PHC2: variants seen among roughly 807,000 people sequenced by gnomAD.
The protein encoded by PHC2 is polyhomeotic-like protein 2.
A neutral mutation model predicts 87.4 loss-of-function variants in PHC2; 29 were observed. The observed-to-expected ratio is 0.33, with a 90% CI of 0.25 to 0.45. The LOEUF (loss-of-function observed/expected upper bound fraction) is 0.45. Among genes scored for constraint, PHC2 ranks in the 20% least tolerant of loss-of-function variants. The probability of loss-of-function intolerance (pLI) is 1.00; values close to 1 mark genes in which losing one functional copy is unlikely to be tolerated. For missense variants in PHC2, 857 were observed against 1,136.7 expected, an observed-to-expected ratio of 0.75 and a Z score of 3.54; for synonymous variants, 438 against 461.7, an observed-to-expected ratio of 0.95 and a Z score of 0.66.
In PHC2 at chr1:33,331,610, G is replaced by A; in HGVS notation, c.1892-148C>T. ...ACAGCAGCATTCTAGCATGGAAAAT[G>A]CCAGTGGTTCTCACCCCTGGAATGC... On this transcript the variant is annotated intron_variant, in intron 11 of 14. Transcript: ENST00000683057. This position sits in a 1 kb window ranked among gnomAD's most constrained non-coding sequence, Gnocchi z 5.2. 1 of 587,792 alleles carries A rather than the reference G, an allele frequency of 1.7e-6. No individual in the cohort carries two copies. The highest frequency in any genetic ancestry group is 2.2e-5 in the South Asian group (1 of 45,392). The allele number at this position is 587,792 out of a possible 1,614,324, so 36.4% of individuals were successfully genotyped here.
Position 33,374,391 on chromosome 1 carries a change from G to C in PHC2, c.174+975C>G, listed in dbSNP as rs538945167. Among the ~76,000 whole-genome samples, 19 of 152,332 alleles carry C rather than the reference G, an allele frequency of 1.2e-4. No homozygotes were observed. The East Asian group carries it at 3.3e-3, about 26-fold the overall frequency. On this transcript the variant is annotated intron_variant, in intron 2 of 14. Transcript: ENST00000683057. ...AGGTTCTCATGCATGATGGGCCAGGGCCAGGTGCTGGGGCTAGGGACAAGG... is the reference window on the plus strand; with the variant it reads ...AGGTTCTCATGCATGATGGGCCAGGCCCAGGTGCTGGGGCTAGGGACAAGG...
chr1:33,382,408 T>G lies in PHC2; in HGVS notation c.-54-6815A>C, dbSNP rs1176111068. Among the ~76,000 whole-genome samples the G allele has an allele frequency of 6.6e-6, 1 of 152,126 alleles. No homozygotes were observed. The highest frequency in any genetic ancestry group is 1.9e-4 in the East Asian group (1 of 5,192). ...CTTTCAGTATTCTACCCACCCCTTT[T>G]CAATTTCCTTTTAATTCCTACTCTT... On this transcript the variant is annotated intron_variant, in intron 1 of 14. Transcript: ENST00000683057. The surrounding 1 kb of genome is among the most constrained non-coding windows in gnomAD (Gnocchi z 4.3).
intron 7 of PHC2, 48 bp downstream of exon 7, chr1:33,367,068 C>A (rs367665805): frequency 1.3e-6 from 2 of 1,491,760 alleles, no homozygotes; most frequent in East Asian, 4.6e-5. Flanking sequence ...TCCTGACTCA[C>A]GGCCCTGAGT....
At position 33,330,000 on chromosome 1, in the gene PHC2, G is replaced by GT. The variant is rs1646455595; in HGVS notation, c.2148+70dup. ...AAGTCGGCAGCTGGAGGGGACCGTG[G>GT]TGTCGAGGGCCATGGAAGGGAAGCT... On this transcript the variant is annotated intron_variant, in intron 13 of 14. Transcript: ENST00000683057. The GT allele has an allele frequency of 1.9e-6, 3 of 1,543,622 alleles. No homozygotes were observed. The African/African-American group carries it at 4.1e-5, about 21-fold the overall frequency.
chr1:33,349,907 C>T lies in PHC2; in HGVS notation c.1558+4494G>A, dbSNP rs1174473962. The T allele has an allele frequency of 9.3e-6, 9 of 971,680 alleles. No homozygotes were observed. In the Admixed American group the frequency reaches 3.2e-4, roughly 34 times the overall value. 60.2% of individuals were successfully genotyped at this position (971,680 alleles called of 1,614,324 possible). Reference sequence around the variant, plus strand: ...CCGCCGCGGAGACAATGCGGCGAGTCTGGGACGGCTCCCGCGGCCGCCTCC... The same window carrying T: ...CCGCCGCGGAGACAATGCGGCGAGTTTGGGACGGCTCCCGCGGCCGCCTCC... On this transcript the variant is annotated intron_variant, in intron 9 of 14. Coordinates refer to ENST00000683057, the MANE Select transcript of PHC2 (RefSeq NM_001385109.1). This position sits in a 1 kb window ranked among gnomAD's most constrained non-coding sequence, Gnocchi z 4.2.
Position 33,382,136 on chromosome 1 carries a change from TAGTA to T in PHC2, c.-54-6547_-54-6544del, listed in dbSNP as rs888331152. Among the ~76,000 whole-genome samples, 4 of 152,136 alleles carry T rather than the reference TAGTA, an allele frequency of 2.6e-5. No individual in the cohort carries two copies. Among genetic ancestry groups the T allele is most frequent in the Admixed American group, 6.5e-5 (1 of 15,276 alleles). ...AACTTGAGTTGGAAGAAAACATAAT[TAGTA>T]AGTGTGGACCCATATAACAGCTTTA... On this transcript the variant is annotated intron_variant, in intron 1 of 14. Transcript: ENST00000683057. This position sits in a 1 kb window ranked among gnomAD's most constrained non-coding sequence, Gnocchi z 4.3.
At chr1:33,355,483 G>GCTGT (rs1293550200) in intron 7 of PHC2, among the ~76,000 whole-genome samples, 3 of 152,168 alleles carry the variant, frequency 2.0e-5, no homozygotes, top group African/African-American at 7.2e-5. Flanking sequence ...GGCTCTTTGA[G>GCTGT]CTGTCCCCCA....
intron 7 of PHC2, among the ~76,000 whole-genome samples, chr1:33,358,238 C>T (rs1353947204): frequency 2.0e-5 from 3 of 152,152 alleles, no homozygotes; most frequent in African/African-American, 4.8e-5. Flanking sequence ...TCCCAAAAGA[C>T]TGGGAAAGGG....
At position 33,368,427 on chromosome 1, in the gene PHC2, G is replaced by T; in HGVS notation, c.663+109C>A. ...GGGGCATTGGGGTGTCCTGTCTCCC[G>T]CCTGCTTTCCTAGCTGATCCCGGCC... is the stretch of plus-strand genomic sequence containing the variant. On this transcript the variant is annotated intron_variant, in intron 6 of 14. Transcript: ENST00000683057. This position sits in a 1 kb window ranked among gnomAD's most constrained non-coding sequence, Gnocchi z 6.6. The T allele has an allele frequency of 3.1e-6, 2 of 640,572 alleles. No homozygotes were observed. Among genetic ancestry groups the T allele is most frequent in the South Asian group, 1.9e-5 (1 of 52,686 alleles). The allele number at this position is 640,572 out of a possible 1,614,324, so 39.7% of individuals were successfully genotyped here. A position where few individuals can be genotyped will look rare whatever the true frequency, so the allele number is the denominator to read the frequency against.
At position 33,331,375 on chromosome 1, in the gene PHC2, C is replaced by T. The variant is rs780986416; in HGVS notation, c.1979G>A (p.Arg660His). 1.2e-6 allele frequency: 2 copies of T among 1,610,670 alleles called. No individual in the cohort carries two copies. The highest frequency in any genetic ancestry group is 8.5e-7 in the Non-Finnish European group (1 of 1,177,106). ...CTTTGCACAAGCCATGGAACAGAAGCGCTTGGAACGCTTGAACTTATAGGC... is the reference window on the plus strand; with the variant it reads ...CTTTGCACAAGCCATGGAACAGAAGTGCTTGGAACGCTTGAACTTATAGGC... The part of the protein sequence containing the change: ...DFAYKFKRSK[R>H]FCSMACAKRY... Residue 660 changes from arginine to histidine, a missense_variant, in exon 12 of 15, where the codon CGC becomes CAC. Arg to His is a conservative substitution (Grantham distance 29, BLOSUM62 0). Coordinates refer to ENST00000683057, the MANE Select transcript of PHC2 (RefSeq NM_001385109.1). The surrounding 1 kb of genome is among the most constrained non-coding windows in gnomAD (Gnocchi z 5.2).
chr1:33,370,417 T>A lies in PHC2; in HGVS notation c.576+4A>T. Reference sequence around the variant, plus strand: ...GAGCCATGGCCCTGGCCATGGGTACTCACCATCTGTGCCCTCAGATACATC... The same window carrying A: ...GAGCCATGGCCCTGGCCATGGGTACACACCATCTGTGCCCTCAGATACATC... On this transcript the variant is annotated splice_donor_region_variant and intron_variant, in intron 5 of 14. Coordinates refer to ENST00000683057, the MANE Select transcript of PHC2 (RefSeq NM_001385109.1). 1 of 1,612,224 alleles carries A rather than the reference T, an allele frequency of 6.2e-7. No individual in the cohort carries two copies. The highest frequency in any genetic ancestry group is 8.5e-7 in the Non-Finnish European group (1 of 1,178,604).
chr1:33,329,004 C>T lies in PHC2; in HGVS notation c.2291G>A (p.Arg764Gln), dbSNP rs752781137. The T allele has an allele frequency of 1.1e-4, 185 of 1,614,098 alleles. No individual in the cohort carries two copies. The highest frequency in any genetic ancestry group is 1.5e-4 in the Non-Finnish European group (176 of 1,180,056). ...GAGCTCCAGGTCCCGCTGGCCTTGT[C>T]GCCGGCGGGAAGTAGATGAGCTGGC... ...ISASSSTSRR[R>Q]QGQRDLELPD... The change falls in exon 14 of 15, where the codon CGA becomes CAA. Residue 764 changes from arginine (R) to glutamine (Q), a missense_variant. Physicochemically the swap from Arg to Gln is conservative, Grantham distance 43. Around this residue, in one of 3 missense-constraint regions of PHC2, gnomAD observed 832 missense variants for 1,081.8 expected, o/e 0.77. Transcript: ENST00000683057.
chr1:33,385,394 A>T (rs1648691107), intron 1 of PHC2, among the ~76,000 whole-genome samples: 1 of 152,252 alleles, frequency 6.6e-6, no homozygotes, highest in South Asian at 2.1e-4. Context: ...TACTCCATAA[A>T]AATGAGCAAA....
intron 1 of PHC2, among the ~76,000 whole-genome samples, chr1:33,409,006 G>A (rs1649878546): frequency 6.6e-6 from 1 of 152,164 alleles, no homozygotes; most frequent in South Asian, 2.1e-4. Context: ...TAATCAGAGT[G>A]CAAGAATATA....
Position 33,414,177 on chromosome 1 carries a change from TCACACACA to T in PHC2, c.-55+16791_-55+16798del, listed in dbSNP as rs201845759. Among the ~76,000 whole-genome samples the T allele has an allele frequency of 2.7e-3, 388 of 142,854 alleles. 2 individuals carry two copies. Among genetic ancestry groups the T allele is most frequent in the Middle Eastern group, 3.5e-3 (1 of 286 alleles). 93.7% of individuals were successfully genotyped at this position (142,854 alleles called of 152,430 possible). ...TTTACATATGTATTCTCTCTCTCTG[TCACACACA>T]CACACACACACACACACACACACAC... On this transcript the variant is annotated intron_variant, in intron 1 of 14. Coordinates refer to ENST00000683057, the MANE Select transcript of PHC2 (RefSeq NM_001385109.1).
chr1:33,385,615 T>C (rs535437162), intron 1 of PHC2, among the ~76,000 whole-genome samples: 5 of 152,316 alleles, frequency 3.3e-5, no homozygotes, highest in Admixed American at 1.3e-4. Context: ...GTTGACTTTT[T>C]TTCCCTCAGA....
intron 9 of PHC2, among the ~76,000 whole-genome samples, chr1:33,338,998 T>C (rs1646694306): frequency 6.6e-6 from 1 of 152,194 alleles, no homozygotes; most frequent in Non-Finnish European, 1.5e-5. Flanking sequence ...TGTCTCAACT[T>C]CTAGGCTGTT....
intron 1 of PHC2, among the ~76,000 whole-genome samples, chr1:33,427,299 C>G (rs1650713699): frequency 6.6e-6 from 1 of 152,140 alleles, no homozygotes; most frequent in Admixed American, 6.5e-5. Context: ...GTGAAACATT[C>G]AGGTAGTTAT....
Position 33,354,827 on chromosome 1 carries a change from G to A in PHC2, c.1392+11C>T. The A allele has an allele frequency of 6.2e-7, 1 of 1,610,502 alleles. No individual in the cohort carries two copies. On this transcript the variant is annotated intron_variant, in intron 8 of 14. Transcript: ENST00000683057. Reference sequence around the variant, plus strand: ...CGTGTGCTCCCTGGACCTTGGGGCTGGCTTACTCACCACTGGTGAAGCAGG... The same window carrying A: ...CGTGTGCTCCCTGGACCTTGGGGCTAGCTTACTCACCACTGGTGAAGCAGG...
Sources: allele counts gnomAD v4.1 joint callset (sites outside exome capture counted in the v4.1 genomes callset), GRCh38; gene constraint gnomAD v4.1.1; regional missense constraint gnomAD v4.1.1; non-coding constraint Gnocchi (gnomAD v3.1); transcripts MANE v1.5; gene names NCBI Gene and HGNC (gene_info 2026-07-23, HGNC 2026-07-21).